Variants in TLL1 observed in about 807,000 individuals in gnomAD.
The protein encoded by TLL1 is tolloid like 1.
Under a neutral mutation model 128.2 loss-of-function variants are expected in TLL1, and 49 were observed. The ratio of observed to expected loss-of-function variants is 0.38; its 90% CI spans 0.30 to 0.48. The LOEUF (loss-of-function observed/expected upper bound fraction) is 0.48, where lower values mean the gene tolerates loss of function less well. Ranked by LOEUF, TLL1 falls within the 20% of genes least tolerant of loss-of-function variation. TLL1 has a pLI of 0.96. For synonymous variants in TLL1, 454 were observed against 418.8 expected (o/e 1.08, Z -1.03); for missense variants, 1,123 against 1,242.0 (o/e 0.90, Z 1.44).
intron 9 of TLL1, chr4:166,030,549 C>A: frequency 5.2e-6 from 3 of 573,544 alleles, no homozygotes; most frequent in Admixed American, 2.6e-5. Flanking sequence ...ATTGCCTGTG[C>A]TTTTGGTGTC....
At chr4:166,061,267 A>G (rs1740300815) in intron 15 of TLL1, among the ~76,000 whole-genome samples, 2 of 131,108 alleles carry the variant, frequency 1.5e-5, no homozygotes, top group South Asian at 4.6e-4. Flanking sequence ...TTTTTTTGAG[A>G]CAGAGTCTCG....
rs768551626 is a variant in TLL1 at position 165,994,460 on chromosome 4, A to G, written c.441A>G (p.Arg147=). 6 of 1,614,056 alleles carry G rather than the reference A, an allele frequency of 3.7e-6. No individual in the cohort carries two copies. Among genetic ancestry groups the G allele is most frequent in the Non-Finnish European group, 1.7e-6 (2 of 1,179,958 alleles). The change falls in exon 4 of 21, where the codon AGA becomes AGG. Residue 147 remains arginine (R), a synonymous_variant. Coordinates refer to ENST00000061240, the MANE Select transcript of TLL1 (RefSeq NM_012464.5). ...SGQNEKNRVP[R]AATSRTERIW... is the part of the protein sequence containing the mutation. The stretch of plus-strand genomic sequence containing the variant: ...AAAATGAGAAAAATCGAGTTCCCAG[A>G]GCCGCTACATCAAGAACGGAAAGAA...
In TLL1 at chr4:166,014,092, C is replaced by T. The variant is rs983529983; in HGVS notation, c.918-344C>T. Among the ~76,000 whole-genome samples, 3 of 151,844 alleles carry T rather than the reference C, an allele frequency of 2.0e-5. No homozygotes were observed. In the South Asian group the frequency reaches 6.2e-4, roughly 31 times the overall value. ...ACCTCTATGAGGAATCATTGTTTCA[C>T]AACCTGATAATCTAAGGAATTCTTA... On this transcript the variant is annotated intron_variant, in intron 7 of 20. Coordinates refer to ENST00000061240, the MANE Select transcript of TLL1 (RefSeq NM_012464.5).
intron 1 of TLL1, among the ~76,000 whole-genome samples, chr4:165,898,601 GC>G (rs1314417683): frequency 6.6e-6 from 1 of 152,184 alleles, no homozygotes; most frequent in Non-Finnish European, 1.5e-5. Context: ...TGGTGGATGA[GC>G]TTTTTGATGT....
chr4:166,009,719 T>C (rs1737598698), intron 7 of TLL1, among the ~76,000 whole-genome samples: 1 of 151,444 alleles, frequency 6.6e-6, no homozygotes, highest in Non-Finnish European at 1.5e-5. Context: ...AAAGAAGCTG[T>C]TTATTAACTT....
intron 1 of TLL1, among the ~76,000 whole-genome samples, chr4:165,902,287 G>C (rs1397007079): frequency 4.3e-5 from 6 of 139,808 alleles, no homozygotes; most frequent in Non-Finnish European, 9.3e-5. Flanking sequence ...GTGCCACCAG[G>C]TTATGAAAAA....
intron 1 of TLL1, among the ~76,000 whole-genome samples, chr4:165,905,346 C>T (rs942364339): frequency 4.6e-5 from 7 of 152,058 alleles, no homozygotes; most frequent in Admixed American, 2.6e-4. Flanking sequence ...CATGTTAGAA[C>T]GTGGATTACT....
Position 166,057,407 on chromosome 4 carries a change from T to G in TLL1, c.1846+98T>G, listed in dbSNP as rs987424178. ...TCTTCCTCTTTCTTTCCCTTTTTCC[T>G]ATAGTGACCTCTTTCCTCAATTAGT... On this transcript the variant is annotated intron_variant, in intron 14 of 20. Coordinates refer to ENST00000061240, the MANE Select transcript of TLL1 (RefSeq NM_012464.5). 8 of 1,516,230 alleles carry G rather than the reference T, an allele frequency of 5.3e-6. No homozygotes were observed. The African/African-American group carries it at 9.7e-5, about 18-fold the overall frequency. The allele number at this position is 1,516,230 out of a possible 1,614,324, so 93.9% of individuals were successfully genotyped here.
At chr4:165,898,193 C>T (rs879318765) in intron 1 of TLL1, among the ~76,000 whole-genome samples, 10 of 152,168 alleles carry the variant, frequency 6.6e-5, no homozygotes, top group Middle Eastern at 3.2e-3. Flanking sequence ...AATTTGACTT[C>T]GTCTCTTCCT....
chr4:166,050,287 A>G (rs1041294521), intron 12 of TLL1, among the ~76,000 whole-genome samples: 1 of 152,124 alleles, frequency 6.6e-6, no homozygotes, highest in Non-Finnish European at 1.5e-5. Flanking sequence ...CCCCTTTTTA[A>G]GGTGGAATAA....
intron 1 of TLL1, among the ~76,000 whole-genome samples, chr4:165,929,313 C>A (rs7674118): frequency 2.0e-5 from 3 of 152,072 alleles, no homozygotes; most frequent in African/African-American, 4.8e-5. Context: ...CCAAGGTGGG[C>A]GGATCACGAG....
chr4:166,097,111 T>C (rs1293025941), intron 19 of TLL1, among the ~76,000 whole-genome samples: 1 of 152,122 alleles, frequency 6.6e-6, no homozygotes, highest in Non-Finnish European at 1.5e-5. Context: ...GTACTATGGA[T>C]GATTCCCTTT....
intron 1 of TLL1, among the ~76,000 whole-genome samples, chr4:165,891,163 G>A (rs1285225023): frequency 6.6e-6 from 1 of 152,108 alleles, no homozygotes; most frequent in Non-Finnish European, 1.5e-5. Flanking sequence ...CCAGGGCCTG[G>A]CCTGTGAAAC....
chr4:166,103,611 T>C lies in TLL1; in HGVS notation c.*2735T>C, dbSNP rs559016667. 4 of 151,960 alleles carry C rather than the reference T, an allele frequency of 2.6e-5. No homozygotes were observed. The highest frequency in any genetic ancestry group is 9.6e-5 in the African/African-American group (4 of 41,534). 9.4% of individuals were successfully genotyped at this position (151,960 alleles called of 1,614,324 possible). A position where few individuals can be genotyped will look rare whatever the true frequency, so the allele number is the denominator to read the frequency against. On this transcript the variant is annotated 3_prime_UTR_variant, in exon 21 of 21. Transcript: ENST00000061240. ...TCTTCAACGTGAAAATTAATTTTTA[T>C]TGTATCATGTCAAGTATCAGTTTAC...
rs757580549 is a variant in TLL1, at chr4:166,008,034, G to A, written c.903G>A (p.Arg301=). The change falls in exon 7 of 21, where the codon AGG becomes AGA. Residue 301 remains arginine (R), a synonymous_variant. Coordinates refer to ENST00000061240, the MANE Select transcript of TLL1 (RefSeq NM_012464.5). ...YDFDSIMHYA[R]NTFSRGMFLD... ...TCGACAGTATCATGCACTATGCCAG[G>A]AACACCTTCTCAAGGTTGGAGTCTC... The A allele has an allele frequency of 3.1e-6, 5 of 1,608,896 alleles. No homozygotes were observed. The South Asian group carries it at 5.5e-5, about 18-fold the overall frequency.
chr4:165,896,263 T>C (rs1163520720), intron 1 of TLL1, among the ~76,000 whole-genome samples: 4 of 152,066 alleles, frequency 2.6e-5, no homozygotes, highest in Admixed American at 1.3e-4. Context: ...CACATGAACT[T>C]ATCATTTTTT....
At chr4:166,030,360 A>G (rs1157237259) in intron 9 of TLL1, 1 of 409,844 alleles carries the variant, frequency 2.4e-6, no homozygotes, top group Non-Finnish European at 4.3e-6. Context: ...AGATTATTTG[A>G]TTTTGTCTTT....
intron 12 of TLL1, among the ~76,000 whole-genome samples, chr4:166,051,520 A>T (rs922048893): frequency 6.6e-6 from 1 of 152,162 alleles, no homozygotes; most frequent in African/African-American, 2.4e-5. Context: ...AATTTGATGT[A>T]GCTCAAGAAA....
Position 166,007,907 on chromosome 4 carries a change from A to G in TLL1, c.812-36A>G, listed in dbSNP as rs774591961. 3.6e-6 allele frequency: 5 copies of G among 1,397,386 alleles called. No individual in the cohort carries two copies. In the South Asian group the frequency reaches 4.6e-5, roughly 13 times the overall value. 86.6% of individuals were successfully genotyped at this position (1,397,386 alleles called of 1,614,324 possible). A position where few individuals can be genotyped will look rare whatever the true frequency, so the allele number is the denominator to read the frequency against. Reference sequence around the variant, plus strand: ...TTCTGGTCTATTTTCTGTCAGTTAAAAGGCTTCTGAGATTTTGTTTATCCC... The same window carrying G: ...TTCTGGTCTATTTTCTGTCAGTTAAGAGGCTTCTGAGATTTTGTTTATCCC... On this transcript the variant is annotated intron_variant, in intron 6 of 20. Transcript: ENST00000061240.
Sources: gnomAD v4.1 joint callset for allele counts (sites outside exome capture counted in the v4.1 genomes callset) on GRCh38, gnomAD v4.1.1 for gene constraint, MANE v1.5 for transcripts, NCBI Gene and HGNC (gene_info 2026-07-23, HGNC 2026-07-21) for gene names.